The following SH3KBP1 variants were observed in gnomAD, a reference collection of about 807,000 sequenced individuals.
SH3KBP1 encodes SH3 domain-containing kinase-binding protein 1.
SH3KBP1 carries 8 observed loss-of-function variants against 50.1 expected under a neutral mutation model. That is an observed-to-expected ratio of 0.16 (90% CI 0.09 to 0.29). The LOEUF (loss-of-function observed/expected upper bound fraction) is 0.29. Ranked by LOEUF, SH3KBP1 falls within the 10% of genes least tolerant of loss-of-function variation. The pLI, the probability that SH3KBP1 is intolerant of heterozygous loss-of-function variation, is 1.00. For synonymous variants in SH3KBP1, 227 were observed against 218.6 expected, an observed-to-expected ratio of 1.04 and a Z score of -0.34; for missense variants, 377 against 535.2, an observed-to-expected ratio of 0.70 and a Z score of 2.92.
At chrX:19,828,489 T>C in intron 2 of SH3KBP1, among the ~76,000 whole-genome samples, 1 of 109,144 alleles carries the variant, frequency 9.2e-6, no homozygotes. Context: ...CTGAACAACA[T>C]AGCAAGACCC....
intron 2 of SH3KBP1, among the ~76,000 whole-genome samples, chrX:19,822,351 T>G (rs1296527659): frequency 8.9e-6 from 1 of 112,230 alleles, no homozygotes; most frequent in Non-Finnish European, 1.9e-5. Flanking sequence ...GCTCTGTTCA[T>G]TTTTTACAGA....
chrX:19,553,942 AAT>A (rs1491272050), intron 13 of SH3KBP1, among the ~76,000 whole-genome samples: 1 of 67,123 alleles, frequency 1.5e-5, no homozygotes, highest in Non-Finnish European at 2.4e-5. Context: ...TATAATATAT[AAT>A]ATATATTAAA....
chrX:19,864,078 C>A (rs751205526), intron 1 of SH3KBP1, among the ~76,000 whole-genome samples: 13 of 111,063 alleles, frequency 1.2e-4, no homozygotes, highest in Non-Finnish European at 2.3e-4. Flanking sequence ...CTCTAGCAGC[C>A]CCTGGTAAGA....
intron 1 of SH3KBP1, among the ~76,000 whole-genome samples, chrX:19,882,725 C>T (rs1228472349): frequency 9.0e-6 from 1 of 111,685 alleles, no homozygotes; most frequent in East Asian, 2.8e-4. Context: ...ATATTACACC[C>T]TGGAATAATG....
chrX:19,646,770 A>C (rs1010538228), intron 6 of SH3KBP1, among the ~76,000 whole-genome samples: 1 of 112,767 alleles, frequency 8.9e-6, no homozygotes, highest in African/African-American at 3.2e-5. Flanking sequence ...TCAGCCCTTC[A>C]TGAATTTTTA....
intron 1 of SH3KBP1, among the ~76,000 whole-genome samples, chrX:19,879,950 G>C (rs1042771886): frequency 2.8e-4 from 31 of 112,238 alleles, no homozygotes; most frequent in African/African-American, 1.0e-3. Context: ...GGGGCGGCTG[G>C]CCTGTGCATC....
intron 9 of SH3KBP1, among the ~76,000 whole-genome samples, chrX:19,595,930 A>G (rs2066894643): frequency 1.8e-5 from 2 of 112,054 alleles, no homozygotes; most frequent in Admixed American, 1.9e-4. Context: ...AGAGAAATAT[A>G]CTTTATTAAA....
intron 8 of SH3KBP1, among the ~76,000 whole-genome samples, chrX:19,619,810 A>T (rs945465442): frequency 8.9e-5 from 10 of 112,554 alleles, no homozygotes; most frequent in African/African-American, 3.2e-4. Context: ...CAATTAAAAA[A>T]ATATAAATAG....
chrX:19,831,728 T>C (rs1444699708), intron 2 of SH3KBP1, among the ~76,000 whole-genome samples: 1 of 81,588 alleles, frequency 1.2e-5, no homozygotes, highest in African/African-American at 5.2e-5. Context: ...GAGGTGGAGG[T>C]TGCGGTGAGC....
chrX:19,741,417 T>C (rs779237276), intron 3 of SH3KBP1, among the ~76,000 whole-genome samples: 1 of 112,294 alleles, frequency 8.9e-6, no homozygotes, highest in Non-Finnish European at 1.9e-5. Flanking sequence ...ATAAAGATGG[T>C]AAAAGCAGTT....
At chrX:19,563,812 T>C (rs756833091) in intron 13 of SH3KBP1, among the ~76,000 whole-genome samples, 1 of 111,620 alleles carries the variant, frequency 9.0e-6, no homozygotes, top group South Asian at 3.8e-4. Flanking sequence ...AGGCTGTGTC[T>C]GAAGGTTGCC....
At chrX:19,643,995 C>T (rs1210392268) in intron 7 of SH3KBP1, among the ~76,000 whole-genome samples, 1 of 112,037 alleles carries the variant, frequency 8.9e-6, no homozygotes, top group African/African-American at 3.2e-5. Context: ...CATCCCCCAC[C>T]ATGCTGTTCC....
intron 12 of SH3KBP1, chrX:19,588,413 A>T (rs921147880): frequency 4.4e-6 from 5 of 1,127,226 alleles, no homozygotes; most frequent in Non-Finnish European, 5.9e-6. Context: ...CCCAGTCCTC[A>T]TGAAACCCAC....
intron 6 of SH3KBP1, among the ~76,000 whole-genome samples, chrX:19,657,446 T>C (rs1469270382): frequency 1.9e-5 from 2 of 106,830 alleles, no homozygotes; most frequent in Non-Finnish European, 3.9e-5. Flanking sequence ...AGGAAGGAAA[T>C]TGGCCGGGCA....
chrX:19,540,638 G>GT (rs1305713036), intron 16 of SH3KBP1, among the ~76,000 whole-genome samples: 2 of 111,488 alleles, frequency 1.8e-5, no homozygotes. Context: ...CTTCATCGCT[G>GT]TAAGTCTCTG....
In SH3KBP1 at chrX:19,565,468, A is replaced by G. The variant is rs1015067958; in HGVS notation, c.1384+3635T>C. Among the ~76,000 whole-genome samples the G allele has an allele frequency of 2.7e-5, 3 of 111,592 alleles. No homozygotes were observed. In the Admixed American group the frequency reaches 2.9e-4, roughly 11 times the overall value. The stretch of plus-strand genomic sequence containing the variant: ...ACATGAGTCATTACACATCCTTCAT[A>G]GGGCTATGGACGGTGAGAAAAAAAT... On this transcript the variant is annotated intron_variant, in intron 13 of 17. Coordinates refer to ENST00000397821, the MANE Select transcript of SH3KBP1 (RefSeq NM_031892.3).
At chrX:19,567,653 A>G (rs2147819753) in intron 13 of SH3KBP1, among the ~76,000 whole-genome samples, 1 of 102,904 alleles carries the variant, frequency 9.7e-6, no homozygotes, top group Admixed American at 1.1e-4. Flanking sequence ...ATCAATGTCA[A>G]TATCTTAGTC....
chrX:19,580,027 C>T (rs980935574), intron 12 of SH3KBP1, among the ~76,000 whole-genome samples: 1 of 111,456 alleles, frequency 9.0e-6, no homozygotes, highest in Non-Finnish European at 1.9e-5. Context: ...GCAAGGTAGG[C>T]CTTGTGGTGT....
chrX:19,876,351 ACT>A (rs758199261), intron 1 of SH3KBP1, among the ~76,000 whole-genome samples: 5 of 111,553 alleles, frequency 4.5e-5, no homozygotes, highest in Non-Finnish European at 9.4e-5. Context: ...ACAGAGTGAG[ACT>A]CTGTCAAGAA....
Sources: gnomAD v4.1 joint callset for allele counts (sites outside exome capture counted in the v4.1 genomes callset) on GRCh38, gnomAD v4.1.1 for gene constraint, MANE v1.5 for transcripts, NCBI Gene and HGNC (gene_info 2026-07-23, HGNC 2026-07-21) for gene names.